MAST2: variants seen among roughly 807,000 people sequenced by gnomAD.
MAST2 encodes the protein microtubule associated serine/threonine kinase 2.
A neutral mutation model predicts 147.4 loss-of-function variants in MAST2; 70 were observed. The observed-to-expected ratio is 0.47, with a 90% CI of 0.39 to 0.58. MAST2 has a LOEUF of 0.58. Among genes scored for constraint, MAST2 ranks in the 20% least tolerant of loss-of-function variants. The probability of loss-of-function intolerance (pLI) is 0.00; values close to 1 mark genes in which losing one functional copy is unlikely to be tolerated. For synonymous variants in MAST2, 869 were observed against 896.8 expected (o/e 0.97, Z 0.55); for missense variants, 2,080 against 2,302.3 (o/e 0.90, Z 1.98).
intron 4 of MAST2, among the ~76,000 whole-genome samples, chr1:45,939,542 T>TGGG (rs869310576): frequency 6.0e-4 from 80 of 134,184 alleles, no homozygotes; most frequent in South Asian, 2.0e-3. Flanking sequence ...AATTTTTTTT[T>TGGG]GGGGGGGTGG....
chr1:45,849,131 CAA>C (rs1226065462), intron 3 of MAST2, among the ~76,000 whole-genome samples: 1 of 152,162 alleles, frequency 6.6e-6, no homozygotes, highest in African/African-American at 2.4e-5. Context: ...TAGGAAGACT[CAA>C]TATCATTAAA....
At chr1:45,855,775 A>G (rs553148373) in intron 3 of MAST2, among the ~76,000 whole-genome samples, 3 of 152,174 alleles carry the variant, frequency 2.0e-5, no homozygotes, top group African/African-American at 7.2e-5. Flanking sequence ...ATAGGCAATC[A>G]TGTCATTTTC....
chr1:45,907,503 C>G lies in MAST2; in HGVS notation c.500+25108C>G, dbSNP rs1165510800. On this transcript the variant is annotated intron_variant, in intron 4 of 28. Transcript: ENST00000361297. ...TTGAGAGAGTCTCGCTCTTATCACC[C>G]AGGCTGTGCAGTGGCGTGATCTCAG... Among the ~76,000 whole-genome samples the G allele has an allele frequency of 4.6e-5, 7 of 150,928 alleles. 1 individual carries two copies. Among genetic ancestry groups the G allele is most frequent in the Admixed American group, 4.6e-4 (7 of 15,118 alleles).
At chr1:45,835,823 T>C (rs1260154495) in intron 3 of MAST2, among the ~76,000 whole-genome samples, 1 of 152,224 alleles carries the variant, frequency 6.6e-6, no homozygotes, top group Middle Eastern at 3.2e-3. Flanking sequence ...TGGATTTACC[T>C]ATTCTAATAT....
intron 27 of MAST2, 30 bp from the exon 28 acceptor site, chr1:46,034,043 C>T (rs367607005): frequency 2.5e-4 from 406 of 1,607,832 alleles, no homozygotes; most frequent in Non-Finnish European, 3.3e-4. Flanking sequence ...CTCACTGCAC[C>T]GACTCAGCCT....
At chr1:46,030,933 G>C in intron 22 of MAST2, 74 bp from the exon 23 acceptor site, 2 of 1,542,500 alleles carry the variant, frequency 1.3e-6, no homozygotes, top group Non-Finnish European at 1.8e-6. Context: ...TATAACCCTT[G>C]TGTGCCCCTA....
chr1:46,023,699 G>A lies in MAST2; in HGVS notation c.1572-73G>A. 1 of 1,374,232 alleles carries A rather than the reference G, an allele frequency of 7.3e-7. No homozygotes were observed. The highest frequency in any genetic ancestry group is 1.0e-6 in the Non-Finnish European group (1 of 984,974). The allele number at this position is 1,374,232 out of a possible 1,614,324, so 85.1% of individuals were successfully genotyped here. ...TGCATTAATTAAGGTGTGAGAGAAG[G>A]CAGTTTGGGTGGCAGAGAGCACAGC... On this transcript the variant is annotated intron_variant, in intron 14 of 28. Transcript: ENST00000361297. The surrounding 1 kb of genome is among the most constrained non-coding windows in gnomAD (Gnocchi z 4.9).
At chr1:45,934,416 G>A (rs796684046) in intron 4 of MAST2, among the ~76,000 whole-genome samples, 21 of 152,048 alleles carry the variant, frequency 1.4e-4, no homozygotes, top group African/African-American at 4.6e-4. Context: ...AACCCAGGAC[G>A]CAGAGCTTGC....
rs145736063 is a variant in MAST2, at chr1:45,900,809, T to C, written c.500+18414T>C. Among the ~76,000 whole-genome samples, 51 of 152,334 alleles carry C rather than the reference T, an allele frequency of 3.3e-4. No homozygotes were observed. In the East Asian group the frequency reaches 9.4e-3, roughly 28 times the overall value. ...ATGAGTTTGTTGGTCACTTGTCTTC[T>C]TTTGTGTCTGTTCGTTTCTATTGCC... On this transcript the variant is annotated intron_variant, in intron 4 of 28. Coordinates refer to ENST00000361297, the MANE Select transcript of MAST2 (RefSeq NM_015112.3).
At chr1:45,898,100 C>T (rs976461876) in intron 4 of MAST2, among the ~76,000 whole-genome samples, 7 of 152,184 alleles carry the variant, frequency 4.6e-5, no homozygotes, top group East Asian at 3.9e-4. Context: ...CAGAGTGAGA[C>T]TCTGTCTCTC....
At chr1:45,934,989 A>T (rs958908755) in intron 4 of MAST2, among the ~76,000 whole-genome samples, 3 of 152,256 alleles carry the variant, frequency 2.0e-5, no homozygotes, top group African/African-American at 7.2e-5. Flanking sequence ...TGCTTTCCAC[A>T]GAGGCTGAAC....
chr1:45,917,328 T>C, intron 4 of MAST2: 1 of 1,361,916 alleles, frequency 7.3e-7, no homozygotes, highest in Non-Finnish European at 9.8e-7. Flanking sequence ...CCTATTGTGG[T>C]ACCTTGTCAG....
chr1:45,935,118 C>A (rs1156713321), intron 4 of MAST2, among the ~76,000 whole-genome samples: 3 of 152,064 alleles, frequency 2.0e-5, no homozygotes, highest in Non-Finnish European at 4.4e-5. Context: ...ATGGTATCTC[C>A]TTGTGGTTTT....
chr1:45,946,143 T>C (rs1005812211), intron 4 of MAST2, among the ~76,000 whole-genome samples: 3 of 152,252 alleles, frequency 2.0e-5, no homozygotes, highest in African/African-American at 7.2e-5. Flanking sequence ...TAGGCATGCC[T>C]AGAATACCCA....
At chr1:45,840,598 C>T (rs1456508191) in intron 3 of MAST2, among the ~76,000 whole-genome samples, 1 of 152,132 alleles carries the variant, frequency 6.6e-6, no homozygotes, top group African/African-American at 2.4e-5. Flanking sequence ...TGAGACAATC[C>T]ATTTAAAATA....
chr1:45,841,462 A>G (rs939054462), intron 3 of MAST2, among the ~76,000 whole-genome samples: 3 of 151,906 alleles, frequency 2.0e-5, no homozygotes, highest in African/African-American at 7.3e-5. Flanking sequence ...TCTTCTGTAT[A>G]TATATATAAT....
intron 27 of MAST2, 60 bp from the exon 28 acceptor site, chr1:46,034,013 G>C: frequency 6.2e-7 from 1 of 1,605,130 alleles, no homozygotes; most frequent in South Asian, 1.1e-5. Flanking sequence ...CTTGGCCCTG[G>C]GGGTCCAGTG....
intron 21 of MAST2, 35 bp downstream of exon 21, chr1:46,030,273 G>A: frequency 1.9e-6 from 3 of 1,598,124 alleles, no homozygotes; most frequent in Admixed American, 1.7e-5. Flanking sequence ...GGCAGAACAG[G>A]CTGGAGGATC....
In MAST2 at chr1:45,867,974, A is replaced by T. The variant is rs879347630; in HGVS notation, c.469-14390A>T. On this transcript the variant is annotated intron_variant, in intron 3 of 28. Coordinates refer to ENST00000361297, the MANE Select transcript of MAST2 (RefSeq NM_015112.3). ...GGCCTCATTCTCAAGCTTGCTTCCTATGTGTTAGAAAAAGAACTGTAGCAG... is the reference window on the plus strand; with the variant it reads ...GGCCTCATTCTCAAGCTTGCTTCCTTTGTGTTAGAAAAAGAACTGTAGCAG... Among the ~76,000 whole-genome samples the T allele has an allele frequency of 1.8e-4, 27 of 152,266 alleles. 1 individual carries two copies. Among genetic ancestry groups the T allele is most frequent in the Admixed American group, 7.8e-4 (12 of 15,298 alleles).
Sources: allele counts gnomAD v4.1 joint callset (sites outside exome capture counted in the v4.1 genomes callset), GRCh38; gene constraint gnomAD v4.1.1; non-coding constraint Gnocchi (gnomAD v3.1); transcripts MANE v1.5; gene names NCBI Gene and HGNC (gene_info 2026-07-23, HGNC 2026-07-21).